Variants in JARID2 observed in about 807,000 individuals in gnomAD.
The protein encoded by JARID2 is protein Jumonji.
Under a neutral mutation model 125.6 loss-of-function variants are expected in JARID2, and 21 were observed. The ratio of observed to expected loss-of-function variants is 0.17; its 90% CI spans 0.12 to 0.24. The LOEUF (loss-of-function observed/expected upper bound fraction) is 0.24. Ranked by LOEUF, JARID2 falls within the 10% of genes least tolerant of loss-of-function variation. The probability of loss-of-function intolerance (pLI) is 1.00; values close to 1 mark genes in which losing one functional copy is unlikely to be tolerated. For synonymous variants in JARID2, 736 were observed against 661.6 expected (o/e 1.11, Z -1.73); for missense variants, 1,303 against 1,639.6 (o/e 0.79, Z 3.55).
chr6:15,514,509 GACTGAGA>G (rs1451109069), intron 16 of JARID2, among the ~76,000 whole-genome samples: 2 of 152,186 alleles, frequency 1.3e-5, no homozygotes, highest in Non-Finnish European at 2.9e-5. Context: ...GGTGGGCCAG[GACTGAGA>G]CCCGGGTCGA....
chr6:15,418,815 T>C (rs1006161821), intron 3 of JARID2, among the ~76,000 whole-genome samples: 4 of 152,190 alleles, frequency 2.6e-5, no homozygotes, highest in African/African-American at 4.8e-5. Context: ...TGAAGACATG[T>C]TGAAAGTGGT....
intron 1 of JARID2, among the ~76,000 whole-genome samples, chr6:15,327,722 T>G (rs970239722): frequency 6.6e-6 from 1 of 152,138 alleles, no homozygotes; most frequent in African/African-American, 2.4e-5. Context: ...TATAGAAATT[T>G]GGTTCTAGGA....
At chr6:15,458,126 G>C (rs945997668) in intron 4 of JARID2, among the ~76,000 whole-genome samples, 17 of 152,282 alleles carry the variant, frequency 1.1e-4, no homozygotes, top group African/African-American at 3.8e-4. Flanking sequence ...GCAGTGATTC[G>C]TACCATCGCC....
chr6:15,370,213 C>G (rs190145954), intron 1 of JARID2, among the ~76,000 whole-genome samples: 3 of 151,946 alleles, frequency 2.0e-5, no homozygotes, highest in Admixed American at 6.5e-5. Flanking sequence ...TTCCTTGCCC[C>G]GTGGTTAAAT....
intron 1 of JARID2, among the ~76,000 whole-genome samples, chr6:15,323,388 C>T (rs898145667): frequency 6.6e-6 from 1 of 152,118 alleles, no homozygotes; most frequent in Non-Finnish European, 1.5e-5. Context: ...AAATCCTGCC[C>T]TCTTGGCCTA....
intron 1 of JARID2, among the ~76,000 whole-genome samples, chr6:15,326,390 T>C (rs1762535126): frequency 6.6e-6 from 1 of 152,220 alleles, no homozygotes; most frequent in Non-Finnish European, 1.5e-5. Flanking sequence ...TTTTGGTAGA[T>C]GGGGTCTCAC....
chr6:15,427,946 A>G (rs1581549344), intron 3 of JARID2, among the ~76,000 whole-genome samples: 1 of 151,686 alleles, frequency 6.6e-6, no homozygotes, highest in African/African-American at 2.4e-5. Flanking sequence ...GCCTAGTGCA[A>G]TTGCAAGTAG....
chr6:15,472,934 C>T (rs1457345695), intron 5 of JARID2, among the ~76,000 whole-genome samples: 1 of 152,202 alleles, frequency 6.6e-6, no homozygotes, highest in Non-Finnish European at 1.5e-5. Context: ...TTTTTTAGAT[C>T]TTAACCTGGT....
intron 2 of JARID2, among the ~76,000 whole-genome samples, chr6:15,395,632 T>C (rs1398476390): frequency 6.6e-6 from 1 of 152,026 alleles, no homozygotes; most frequent in Non-Finnish European, 1.5e-5. Flanking sequence ...ACTCCTGACC[T>C]CAGGTAATCT....
chr6:15,312,279 T>G (rs1348037356), intron 1 of JARID2, among the ~76,000 whole-genome samples: 1 of 152,160 alleles, frequency 6.6e-6, no homozygotes, highest in East Asian at 1.9e-4. Context: ...GGGCTCGAAC[T>G]CCTGACCTCG....
At chr6:15,249,807 A>G (rs1365348492) in intron 1 of JARID2, among the ~76,000 whole-genome samples, 1 of 151,890 alleles carries the variant, frequency 6.6e-6, no homozygotes, top group Admixed American at 6.6e-5. Context: ...TCCTTGAGAA[A>G]CTCATAAGTT....
chr6:15,327,345 C>A lies in JARID2; in HGVS notation c.46-46772C>A, dbSNP rs1762563898. Among the ~76,000 whole-genome samples, 3 of 152,180 alleles carry A rather than the reference C, an allele frequency of 2.0e-5. No homozygotes were observed. In the South Asian group the frequency reaches 6.2e-4, roughly 32 times the overall value. The stretch of plus-strand genomic sequence containing the variant: ...TGCATAGGTGCCTTTTGACTCGCCT[C>A]CACCCCACCCCTGCACATTTTCATA... On this transcript the variant is annotated intron_variant, in intron 1 of 17. Transcript: ENST00000341776.
chr6:15,319,615 A>G (rs1401907488), intron 1 of JARID2, among the ~76,000 whole-genome samples: 4 of 152,152 alleles, frequency 2.6e-5, no homozygotes, highest in Non-Finnish European at 5.9e-5. Flanking sequence ...CATGTTTGCC[A>G]GGCTGGTCTT....
At position 15,451,644 on chromosome 6, in the gene JARID2, T is replaced by C. The variant is rs115918134; in HGVS notation, c.324-362T>C. Among the ~76,000 whole-genome samples the C allele has an allele frequency of 2.4e-3, 373 of 152,340 alleles. 1 individual carries two copies. Among genetic ancestry groups the C allele is most frequent in the African/African-American group, 8.2e-3 (339 of 41,568 alleles). ...CAGGATAATGTAGTGTTTTCTTCTT[T>C]ACTGTCAGTGGAAATAAATGAACAC... On this transcript the variant is annotated intron_variant, in intron 3 of 17. Transcript: ENST00000341776.
At chr6:15,362,160 T>A (rs1196137215) in intron 1 of JARID2, among the ~76,000 whole-genome samples, 2 of 151,698 alleles carry the variant, frequency 1.3e-5, no homozygotes, top group African/African-American at 4.9e-5. Flanking sequence ...AGTGCTGGAA[T>A]TACAGACATG....
chr6:15,499,729 G>C (rs1002978430), intron 7 of JARID2, among the ~76,000 whole-genome samples: 1 of 152,166 alleles, frequency 6.6e-6, no homozygotes, highest in African/African-American at 2.4e-5. Flanking sequence ...GCTGGGGACA[G>C]TTCCCTCATG....
intron 1 of JARID2, among the ~76,000 whole-genome samples, chr6:15,251,705 G>A (rs892063900): frequency 3.9e-5 from 6 of 152,132 alleles, no homozygotes; most frequent in Non-Finnish European, 7.4e-5. Flanking sequence ...GAAAAAGAGC[G>A]TGGTGGCTCA....
intron 1 of JARID2, among the ~76,000 whole-genome samples, chr6:15,283,611 G>A (rs1418169915): frequency 2.0e-5 from 3 of 151,748 alleles, no homozygotes; most frequent in Admixed American, 6.6e-5. Flanking sequence ...CAAAGTGCTG[G>A]GATTACAGGC....
chr6:15,412,526 C>G (rs1278539842), intron 3 of JARID2, among the ~76,000 whole-genome samples: 1 of 152,124 alleles, frequency 6.6e-6, no homozygotes, highest in Admixed American at 6.5e-5. Context: ...CCAAGCTGGC[C>G]TTGAACTCCC....
Sources: allele counts gnomAD v4.1 joint callset (sites outside exome capture counted in the v4.1 genomes callset), GRCh38; gene constraint gnomAD v4.1.1; transcripts MANE v1.5; gene names NCBI Gene and HGNC (gene_info 2026-07-23, HGNC 2026-07-21).